Variants in SLC35D4 observed in about 807,000 individuals in gnomAD.
SLC35D4 encodes the protein solute carrier family 35 member D4.
chr18:23,307,267 A>C, the SLC35D4 span, among the ~76,000 whole-genome samples: 1 of 152,254 alleles, frequency 6.6e-6, no homozygotes, highest in Non-Finnish European at 1.5e-5. Flanking sequence ...CTATTGCTTA[A>C]AAATACATAC....
the SLC35D4 span, among the ~76,000 whole-genome samples, chr18:23,352,605 T>A: frequency 2.6e-5 from 4 of 152,190 alleles, no homozygotes; most frequent in Admixed American, 2.6e-4. Context: ...ATAGAACTTC[T>A]GGAGTTTTGG....
the SLC35D4 span, among the ~76,000 whole-genome samples, chr18:23,251,174 C>T: frequency 2.6e-4 from 39 of 152,272 alleles, no homozygotes; most frequent in East Asian, 3.9e-3. Flanking sequence ...GCATGTAGGC[C>T]GGGCACGGTT....
the SLC35D4 span, chr18:23,298,108 G>A: frequency 1.2e-6 from 2 of 1,612,432 alleles, no homozygotes; most frequent in Non-Finnish European, 1.7e-6. Flanking sequence ...ACTCCCCCGG[G>A]ACCCCTGAGC....
At chr18:23,432,125 G>A in the SLC35D4 span, among the ~76,000 whole-genome samples, 2 of 152,064 alleles carry the variant, frequency 1.3e-5, no homozygotes, top group Non-Finnish European at 2.9e-5. Context: ...TTCTTATATG[G>A]AGAAAAGGAA....
At chr18:23,284,918 T>G in the SLC35D4 span, among the ~76,000 whole-genome samples, 10 of 152,312 alleles carry the variant, frequency 6.6e-5, no homozygotes, top group East Asian at 1.9e-3. Context: ...AGGCAGGGGA[T>G]GCGTGGGCAG....
At chr18:23,248,694 G>A in the SLC35D4 span, among the ~76,000 whole-genome samples, 15 of 151,662 alleles carry the variant, frequency 9.9e-5, no homozygotes, top group East Asian at 3.9e-4. Context: ...GTGTGGTGGC[G>A]CATGCCTGTA....
the SLC35D4 span, among the ~76,000 whole-genome samples, chr18:23,397,476 C>G: frequency 6.6e-5 from 10 of 152,268 alleles, no homozygotes; most frequent in East Asian, 1.2e-3. Flanking sequence ...TGAAAAGAAA[C>G]AAAGATGGGG....
chr18:23,394,697 C>T, the SLC35D4 span, among the ~76,000 whole-genome samples: 4 of 152,092 alleles, frequency 2.6e-5, no homozygotes, highest in Non-Finnish European at 2.9e-5. Flanking sequence ...TATGGCCGTG[C>T]GCAGTGGCTC....
the SLC35D4 span, among the ~76,000 whole-genome samples, chr18:23,304,428 TA>T: frequency 6.8e-6 from 1 of 147,804 alleles, no homozygotes; most frequent in African/African-American, 2.5e-5. Context: ...TAATAAAATG[TA>T]ATATAATAAA....
chr18:23,250,664 C>T, the SLC35D4 span, among the ~76,000 whole-genome samples: 6 of 152,286 alleles, frequency 3.9e-5, no homozygotes, highest in Non-Finnish European at 1.5e-5. Context: ...CTGGGCTGCC[C>T]CTTTCCTGGT....
At chr18:23,256,485 T>C in the SLC35D4 span, among the ~76,000 whole-genome samples, 1 of 152,264 alleles carries the variant, frequency 6.6e-6, no homozygotes, top group East Asian at 1.9e-4. Context: ...CTTTATTATT[T>C]TTATTTATTT....
chr18:23,392,946 C>T, the SLC35D4 span, among the ~76,000 whole-genome samples: 1 of 152,094 alleles, frequency 6.6e-6, no homozygotes, highest in African/African-American at 2.4e-5. Context: ...GGCGGAGTCT[C>T]GCTCTGTCTT....
the SLC35D4 span, chr18:23,310,315 T>G: frequency 2.3e-4 from 207 of 895,674 alleles, no homozygotes; most frequent in Non-Finnish European, 2.6e-4. Context: ...TATTTGCAAA[T>G]ATCTAGAAGC....
the SLC35D4 span, chr18:23,368,683 A>G: frequency 8.0e-7 from 1 of 1,247,974 alleles, no homozygotes; most frequent in Non-Finnish European, 1.1e-6. Context: ...TAGGATATGA[A>G]TTGTTCTTTA....
At chr18:23,344,143 A>G in the SLC35D4 span, among the ~76,000 whole-genome samples, 2 of 152,022 alleles carry the variant, frequency 1.3e-5, no homozygotes, top group African/African-American at 4.8e-5. Context: ...CTGCCTCCCA[A>G]GGTGTTGGGA....
chr18:23,258,791 C>T, the SLC35D4 span: 27 of 152,184 alleles, frequency 1.8e-4, no homozygotes, highest in African/African-American at 6.5e-4. Flanking sequence ...GGCGATGGAA[C>T]CGAACCGAGG....
At chr18:23,371,556 A>C in the SLC35D4 span, 12 of 1,101,324 alleles carry the variant, frequency 1.1e-5, no homozygotes, top group Non-Finnish European at 1.4e-5. Flanking sequence ...ACCTGTCATC[A>C]ATGCTCAGTG....
chr18:23,430,710 C>T, the SLC35D4 span: 1 of 1,582,874 alleles, frequency 6.3e-7, no homozygotes, highest in Non-Finnish European at 8.7e-7. Context: ...CTGGACATTT[C>T]AAATGATAGA....
the SLC35D4 span, among the ~76,000 whole-genome samples, chr18:23,289,344 C>T: frequency 1.3e-5 from 2 of 152,186 alleles, no homozygotes; most frequent in African/African-American, 4.8e-5. Flanking sequence ...ACCTTTAATA[C>T]CTCTTTTTCT....
Sources: gnomAD v4.1 joint callset for allele counts (sites outside exome capture counted in the v4.1 genomes callset) on GRCh38, gnomAD v4.1.1 for gene constraint, MANE v1.5 for transcripts, NCBI Gene and HGNC (gene_info 2026-07-23, HGNC 2026-07-21) for gene names.